Variants in RIMS1 observed in about 807,000 individuals in gnomAD.
RIMS1 encodes the protein regulating synaptic membrane exocytosis protein 1.
Under a neutral mutation model 214.1 loss-of-function variants are expected in RIMS1, and 83 were observed. That is an observed-to-expected ratio of 0.39 (90% CI 0.32 to 0.47). The LOEUF (loss-of-function observed/expected upper bound fraction) is 0.47, where lower values mean the gene tolerates loss of function less well. Ranked by LOEUF, RIMS1 falls within the 20% of genes least tolerant of loss-of-function variation. RIMS1 has a pLI of 0.99. For synonymous variants in RIMS1, 793 were observed against 786.8 expected (o/e 1.01, Z -0.13); for missense variants, 2,050 against 2,161.8 (o/e 0.95, Z 1.03).
intron 29 of RIMS1, among the ~76,000 whole-genome samples, chr6:72,336,413 A>T (rs141027464): frequency 6.6e-6 from 1 of 151,842 alleles, no homozygotes; most frequent in Non-Finnish European, 1.5e-5. Context: ...TCAGATGTTG[A>T]CTTCAAATAA....
At chr6:72,325,237 TAG>T (rs1048121672) in intron 28 of RIMS1, among the ~76,000 whole-genome samples, 3 of 151,748 alleles carry the variant, frequency 2.0e-5, no homozygotes, top group Non-Finnish European at 4.4e-5. Flanking sequence ...CTCATTAAAA[TAG>T]AGAGACCCCA....
chr6:72,162,643 C>A (rs543875994), intron 4 of RIMS1, among the ~76,000 whole-genome samples: 9,335 of 139,314 alleles, frequency 0.067, 1,956 homozygotes, highest in Non-Finnish European at 0.11. Context: ...TCCTTCACTT[C>A]TGAAGCTTAG....
intron 2 of RIMS1, among the ~76,000 whole-genome samples, chr6:72,070,951 T>A (rs1830444763): frequency 6.6e-6 from 1 of 152,154 alleles, no homozygotes; most frequent in African/African-American, 2.4e-5. Context: ...TTGAAGGAAA[T>A]CGAAAGAATA....
At chr6:72,308,422 A>G (rs2095340446) in intron 27 of RIMS1, among the ~76,000 whole-genome samples, 1 of 152,184 alleles carries the variant, frequency 6.6e-6, no homozygotes, top group South Asian at 2.1e-4. Context: ...TAATATCAAC[A>G]AACTCTTTGG....
intron 22 of RIMS1, 95 bp from the exon 23 acceptor site, chr6:72,274,253 TG>T: frequency 1.4e-6 from 1 of 717,232 alleles, no homozygotes. Context: ...TTTGCCTTTA[TG>T]GGGTGCTTTT....
At chr6:72,005,263 G>T (rs1019433587) in intron 2 of RIMS1, among the ~76,000 whole-genome samples, 1 of 152,172 alleles carries the variant, frequency 6.6e-6, no homozygotes, top group African/African-American at 2.4e-5. Flanking sequence ...ATGCTGTTTT[G>T]GTTACTGTAG....
chr6:72,072,875 G>C (rs1364088782), intron 2 of RIMS1, among the ~76,000 whole-genome samples: 1 of 152,152 alleles, frequency 6.6e-6, no homozygotes, highest in East Asian at 1.9e-4. Flanking sequence ...TTGAACTTCT[G>C]AATTGTTCTG....
chr6:71,906,972 C>T (rs1562166516), intron 1 of RIMS1, among the ~76,000 whole-genome samples: 1 of 152,130 alleles, frequency 6.6e-6, no homozygotes, highest in Non-Finnish European at 1.5e-5. Context: ...TGTGTGAGCA[C>T]TGTTTAAAGG....
intron 4 of RIMS1, among the ~76,000 whole-genome samples, chr6:72,122,886 G>T (rs2038703836): frequency 6.6e-6 from 1 of 151,476 alleles, no homozygotes; most frequent in African/African-American, 2.4e-5. Context: ...TATTAGTCTT[G>T]CTAGTGGTCT....
intron 27 of RIMS1, among the ~76,000 whole-genome samples, chr6:72,312,041 A>T (rs1160611451): frequency 6.6e-6 from 1 of 152,232 alleles, no homozygotes; most frequent in African/African-American, 2.4e-5. Context: ...ATTATTAAAT[A>T]AACATGAGAC....
At chr6:72,232,634 A>G (rs2062435450) in intron 6 of RIMS1, among the ~76,000 whole-genome samples, 1 of 151,792 alleles carries the variant, frequency 6.6e-6, no homozygotes, top group African/African-American at 2.4e-5. Flanking sequence ...ATACTACTGT[A>G]ATCTACATGA....
chr6:72,306,368 A>G (rs1271492930), intron 26 of RIMS1, among the ~76,000 whole-genome samples: 1 of 152,144 alleles, frequency 6.6e-6, no homozygotes, highest in Non-Finnish European at 1.5e-5. Flanking sequence ...CTCATACAAC[A>G]TAGGTATAAG....
At chr6:72,274,818 C>T (rs896320147) in intron 23 of RIMS1, among the ~76,000 whole-genome samples, 2 of 151,954 alleles carry the variant, frequency 1.3e-5, no homozygotes, top group Admixed American at 1.3e-4. Context: ...ATGGTTTTAT[C>T]TCAGTTGTCT....
intron 11 of RIMS1, 68 bp downstream of exon 11, chr6:72,245,929 C>A (rs888595376): frequency 7.5e-5 from 87 of 1,163,416 alleles, no homozygotes; most frequent in Non-Finnish European, 9.9e-5. Flanking sequence ...TTCTAATTTT[C>A]TTTAGTTATT....
chr6:71,909,541 C>CTA (rs1003351152), intron 1 of RIMS1, among the ~76,000 whole-genome samples: 1 of 152,082 alleles, frequency 6.6e-6, no homozygotes, highest in Non-Finnish European at 1.5e-5. Context: ...TCTAGGGTCT[C>CTA]TGAGTTTTCA....
chr6:72,341,712 A>G (rs912880336), intron 29 of RIMS1, among the ~76,000 whole-genome samples: 1 of 151,846 alleles, frequency 6.6e-6, no homozygotes, highest in Non-Finnish European at 1.5e-5. Flanking sequence ...CCGAAATAAT[A>G]AAATCTAGTT....
intron 2 of RIMS1, among the ~76,000 whole-genome samples, chr6:72,085,510 C>T (rs1425020675): frequency 6.6e-6 from 1 of 151,918 alleles, no homozygotes; most frequent in Non-Finnish European, 1.5e-5. Context: ...GGGGTAGTGC[C>T]CCAGATTTTG....
At chr6:71,924,776 C>T (rs959611185) in intron 1 of RIMS1, among the ~76,000 whole-genome samples, 1 of 127,508 alleles carries the variant, frequency 7.8e-6, no homozygotes, top group African/African-American at 3.1e-5. Flanking sequence ...CACCACACTG[C>T]AGCCTGAGCA....
At chr6:72,325,303 A>G (rs2096401323) in intron 28 of RIMS1, among the ~76,000 whole-genome samples, 1 of 151,792 alleles carries the variant, frequency 6.6e-6, no homozygotes, top group South Asian at 2.1e-4. Context: ...TAAATGATGG[A>G]TGAATTCATA....
Sources: gnomAD v4.1 joint callset for allele counts (sites outside exome capture counted in the v4.1 genomes callset) on GRCh38, gnomAD v4.1.1 for gene constraint, MANE v1.5 for transcripts, NCBI Gene and HGNC (gene_info 2026-07-23, HGNC 2026-07-21) for gene names.